Variants in ARHGAP23 observed in about 807,000 individuals in gnomAD.
The protein encoded by ARHGAP23 is Rho GTPase activating protein 23.
Under a neutral mutation model 136.3 loss-of-function variants are expected in ARHGAP23, and 34 were observed. The ratio of observed to expected loss-of-function variants is 0.25; its 90% CI spans 0.19 to 0.33. ARHGAP23 has a LOEUF of 0.33. Ranked by LOEUF, ARHGAP23 falls within the 10% of genes least tolerant of loss-of-function variation. The pLI is 1.00. For synonymous variants in ARHGAP23, 832 were observed against 920.5 expected, an observed-to-expected ratio of 0.90 and a Z score of 1.74; for missense variants, 1,808 against 2,139.0, an observed-to-expected ratio of 0.85 and a Z score of 3.05.
At chr17:38,484,739 A>T (rs552989988) in intron 16 of ARHGAP23, among the ~76,000 whole-genome samples, 1 of 152,110 alleles carries the variant, frequency 6.6e-6, no homozygotes, top group East Asian at 1.9e-4. Context: ...GGTCCAAGCC[A>T]GGGCCAGCTG....
chr17:38,509,969 C>T lies in ARHGAP23; in HGVS notation c.3473C>T (p.Pro1158Leu). ...SKGSWAPKKE[P>L]YAREMLAISF... ...GGTTCGTGGGCCCCCAAGAAGGAGC[C>T]GTACGCCCGGGAGATGCTGGCGATC... The change falls in exon 24 of 24, where the codon CCG (proline) becomes CTG (leucine). Residue 1158 changes from proline to leucine, a missense_variant. By Grantham distance (98) the Pro-to-Leu change is moderately conservative. This residue lies in a region of ARHGAP23 where 104 missense variants were observed against 131.8 expected (regional missense o/e 0.79). Transcript: ENST00000622683. 3.2e-6 allele frequency: 4 copies of T among 1,250,668 alleles called. No homozygotes were observed. The highest frequency in any genetic ancestry group is 4.0e-6 in the Non-Finnish European group (4 of 992,218). The allele number at this position is 1,250,668 out of a possible 1,614,324, so 77.5% of individuals were successfully genotyped here.
At position 38,481,781 on chromosome 17, in the gene ARHGAP23, G is replaced by A. The variant is rs1023882251; in HGVS notation, c.2630-241G>A. Among the ~76,000 whole-genome samples, 15 of 152,274 alleles carry A rather than the reference G, an allele frequency of 9.9e-5. No individual in the cohort carries two copies. The South Asian group carries it at 1.0e-3, about 11-fold the overall frequency. ...AAAGAAACAAAGTTCTATGGCTTCC[G>A]CCTTGTAGTTTTGGCCCACGAGCCA... On this transcript the variant is annotated intron_variant, in intron 14 of 23. Transcript: ENST00000622683.
chr17:38,469,899 G>C lies in ARHGAP23; in HGVS notation c.1969G>C (p.Asp657His), dbSNP rs547569205. 1 of 1,551,628 alleles carries C rather than the reference G, an allele frequency of 6.4e-7. No individual in the cohort carries two copies. Among genetic ancestry groups the C allele is most frequent in the African/African-American group, 1.4e-5 (1 of 73,174 alleles). The change falls in exon 10 of 24, where the codon GAC (aspartate) becomes CAC (histidine). Residue 657 changes from aspartate (D) to histidine (H), a missense_variant. Transcript: ENST00000622683. Reference sequence around the variant, plus strand: ...GCGGATGCTCCGGAGCTTCTTCACCGACGGGGTGAGAGCTGCAAGTGTGTG... The same window carrying C: ...GCGGATGCTCCGGAGCTTCTTCACCCACGGGGTGAGAGCTGCAAGTGTGTG... ...SLRMLRSFFTDGSLDSWGTSE... is the reference protein window; with the variant it reads ...SLRMLRSFFTHGSLDSWGTSE...
chr17:38,453,403 A>G lies in ARHGAP23; in HGVS notation c.64-4699A>G, dbSNP rs111512344. ...CTGTTTCTCTGGGTGGATGGGGCTG[A>G]TGCGCGCGCGTATGCGTGCGTGTGT... On this transcript the variant is annotated intron_variant, in intron 1 of 23. Coordinates refer to ENST00000622683, the MANE Select transcript of ARHGAP23 (RefSeq NM_001199417.2). 1.9e-3 allele frequency among the ~76,000 whole-genome samples: 248 copies of G among 133,660 alleles called. 2 individuals are homozygous for G. The highest frequency in any genetic ancestry group is 6.5e-3 in the African/African-American group (224 of 34,552). 87.7% of individuals were successfully genotyped at this position (133,660 alleles called of 152,430 possible).
chr17:38,462,729 A>C, intron 3 of ARHGAP23, 117 bp from the exon 4 acceptor site: 1 of 736,182 alleles, frequency 1.4e-6, no homozygotes, highest in Non-Finnish European at 2.1e-6. Context: ...GAGCCTGTGC[A>C]TGTTTGTGAC....
At chr17:38,476,353 G>A (rs1313044342) in intron 11 of ARHGAP23, among the ~76,000 whole-genome samples, 5 of 152,174 alleles carry the variant, frequency 3.3e-5, no homozygotes, top group Non-Finnish European at 1.5e-5. Flanking sequence ...ACTTCCTGAT[G>A]GATGGGATGT....
intron 6 of ARHGAP23, among the ~76,000 whole-genome samples, chr17:38,464,843 C>T (rs1204881535): frequency 6.6e-6 from 1 of 152,194 alleles, no homozygotes; most frequent in Non-Finnish European, 1.5e-5. Context: ...TCTCTGCCAG[C>T]CGGAGGGTGG....
At position 38,428,564 on chromosome 17, in the gene ARHGAP23, C is replaced by T; in HGVS notation, c.63+16C>T. The stretch of plus-strand genomic sequence containing the variant: ...GCCCCCACAGGTGAGGGTGCTGGGC[C>T]AGGGAAGTGGGCGGGGCCGGTAGCT... On this transcript the variant is annotated intron_variant, in intron 1 of 23. Transcript: ENST00000622683. 7.1e-7 allele frequency: 1 copy of T among 1,413,858 alleles called. No homozygotes were observed. Among genetic ancestry groups the T allele is most frequent in the Non-Finnish European group, 9.2e-7 (1 of 1,084,506 alleles). 87.6% of individuals were successfully genotyped at this position (1,413,858 alleles called of 1,614,324 possible).
chr17:38,419,821 G>T (rs1002747576), intron 1 of ARHGAP23, among the ~76,000 whole-genome samples: 1 of 152,012 alleles, frequency 6.6e-6, no homozygotes, highest in Non-Finnish European at 1.5e-5. Flanking sequence ...TATGACTACT[G>T]GTTCGTTGAC....
At chr17:38,422,904 G>T (rs536690574) in intron 1 of ARHGAP23, among the ~76,000 whole-genome samples, 27 of 152,274 alleles carry the variant, frequency 1.8e-4, no homozygotes, top group African/African-American at 6.0e-4. Flanking sequence ...CACTCTATGG[G>T]ATGTCTGGGG....
chr17:38,477,683 G>T lies in ARHGAP23; in HGVS notation c.2223G>T (p.Ala741=), dbSNP rs1244126772. 2 of 1,334,252 alleles carry T rather than the reference G, an allele frequency of 1.5e-6. No individual in the cohort carries two copies. The highest frequency in any genetic ancestry group is 4.0e-5 in the Admixed American group (1 of 25,176). 82.7% of individuals were successfully genotyped at this position (1,334,252 alleles called of 1,614,324 possible). Residue 741 remains alanine, a synonymous_variant, in exon 12 of 24, where the codon GCG becomes GCT. Transcript: ENST00000622683. The surrounding 1 kb of genome is among the most constrained non-coding windows in gnomAD (Gnocchi z 6.6). ...KERREPGPAA[A]GAAAAGAGED... ...GGCGGGAGCCCGGGCCGGCGGCGGCGGGGGCTGCGGCGGCCGGCGCAGGTG... is the reference window on the plus strand; with the variant it reads ...GGCGGGAGCCCGGGCCGGCGGCGGCTGGGGCTGCGGCGGCCGGCGCAGGTG...
Position 38,458,272 on chromosome 17 carries a change from G to A in ARHGAP23, c.225+9G>A, listed in dbSNP as rs186701726. 4.0e-5 allele frequency: 60 copies of A among 1,508,062 alleles called. No homozygotes were observed. The highest frequency in any genetic ancestry group is 7.4e-5 in the East Asian group (3 of 40,400). The allele number at this position is 1,508,062 out of a possible 1,614,324, so 93.4% of individuals were successfully genotyped here. A position where few individuals can be genotyped will look rare whatever the true frequency, so the allele number is the denominator to read the frequency against. ...TGCACTGCAGCCTGAAGGTATGCCCGGCTCGCCGCTGCCCTGGTCTGGGGA... is the reference window on the plus strand; with the variant it reads ...TGCACTGCAGCCTGAAGGTATGCCCAGCTCGCCGCTGCCCTGGTCTGGGGA... On this transcript the variant is annotated intron_variant, in intron 2 of 23. Coordinates refer to ENST00000622683, the MANE Select transcript of ARHGAP23 (RefSeq NM_001199417.2).
At chr17:38,469,064 G>A (rs899964478) in intron 7 of ARHGAP23, 80 bp from the exon 8 acceptor site, 56 of 1,434,140 alleles carry the variant, frequency 3.9e-5, no homozygotes, top group South Asian at 1.8e-4. Context: ...CGAGTGGCAC[G>A]GGGGCTGGCA....
At position 38,491,547 on chromosome 17, in the gene ARHGAP23, C is replaced by CG. The variant is rs1030056144; in HGVS notation, c.3276+21dup. On this transcript the variant is annotated intron_variant, in intron 20 of 23. Transcript: ENST00000622683. ...TGATCCAGCACGTAAGCCCCTGTTCCGGGGGGCGCCCGGCAGCCCCTGGGG... is the reference window on the plus strand; with the variant it reads ...TGATCCAGCACGTAAGCCCCTGTTCCGGGGGGGCGCCCGGCAGCCCCTGGGG... 12 of 1,549,182 alleles carry CG rather than the reference C, an allele frequency of 7.7e-6. No homozygotes were observed. Among genetic ancestry groups the CG allele is most frequent in the East Asian group, 4.9e-5 (2 of 40,930 alleles).
chr17:38,509,482 G>A (rs1019573058), intron 23 of ARHGAP23, among the ~76,000 whole-genome samples: 1 of 152,262 alleles, frequency 6.6e-6, no homozygotes, highest in East Asian at 1.9e-4. Flanking sequence ...AGGTGGCAGC[G>A]GGTGGAGAGG....
chr17:38,510,890 C>G lies in ARHGAP23; in HGVS notation c.4394C>G (p.Pro1465Arg). Residue 1465 changes from proline to arginine, a missense_variant, in exon 24 of 24, where the codon CCG becomes CGG. Coordinates refer to ENST00000622683, the MANE Select transcript of ARHGAP23 (RefSeq NM_001199417.2). The surrounding 1 kb of genome is among the most constrained non-coding windows in gnomAD (Gnocchi z 4.6). The stretch of plus-strand genomic sequence containing the variant: ...GCCCCGTCGTCCGCTGCCTCGCAGC[C>G]GCCCGCGCCCGGGGACACGGGGTCC... The part of the protein sequence containing the change: ...ARAPSSAASQ[P>R]PAPGDTGSLQ... The G allele has an allele frequency of 6.7e-7, 1 of 1,491,458 alleles. No homozygotes were observed. Among genetic ancestry groups the G allele is most frequent in the Non-Finnish European group, 8.9e-7 (1 of 1,129,254 alleles). The allele number at this position is 1,491,458 out of a possible 1,614,324, so 92.4% of individuals were successfully genotyped here. A position where few individuals can be genotyped will look rare whatever the true frequency, so the allele number is the denominator to read the frequency against.
At position 38,482,534 on chromosome 17, in the gene ARHGAP23, A is replaced by T. The variant is rs749772766; in HGVS notation, c.2763A>T (p.Leu921Phe). 29 of 1,547,052 alleles carry T rather than the reference A, an allele frequency of 1.9e-5. No individual in the cohort carries two copies. The South Asian group carries it at 3.0e-4, about 16-fold the overall frequency. Reference sequence around the variant, plus strand: ...CCATGTGTCCCCAGCGCGTCCCCTTAATCGTGGCTGCATGCTGTCGCATTG... The same window carrying T: ...CCATGTGTCCCCAGCGCGTCCCCTTTATCGTGGCTGCATGCTGTCGCATTG... ...QPATENQRVP[L>F]IVAACCRIVE... Residue 921 changes from leucine (L) to phenylalanine (F), a missense_variant, in exon 16 of 24, where the codon TTA becomes TTT. Leu to Phe is a conservative substitution (Grantham distance 22). Around this residue, in one of 7 missense-constraint regions of ARHGAP23, gnomAD observed 105 missense variants for 200.6 expected, o/e 0.52. Coordinates refer to ENST00000622683, the MANE Select transcript of ARHGAP23 (RefSeq NM_001199417.2).
At chr17:38,463,227 A>T (rs1372415412) in intron 5 of ARHGAP23, 31 bp downstream of exon 5, 4 of 1,550,796 alleles carry the variant, frequency 2.6e-6, no homozygotes, top group South Asian at 2.4e-5. Context: ...GTCCCATATT[A>T]TCTCCCCTCC....
intron 1 of ARHGAP23, chr17:38,457,643 G>T: frequency 5.1e-6 from 1 of 194,684 alleles, no homozygotes; most frequent in Non-Finnish European, 1.1e-5. Context: ...AGTGTATGTG[G>T]CTGGGGCTGT....
Sources: gnomAD v4.1 joint callset for allele counts (sites outside exome capture counted in the v4.1 genomes callset) on GRCh38, gnomAD v4.1.1 for gene constraint, gnomAD v4.1.1 regional missense constraint, Gnocchi (gnomAD v3.1) non-coding constraint, MANE v1.5 for transcripts, NCBI Gene and HGNC (gene_info 2026-07-23, HGNC 2026-07-21) for gene names.